NTN4: variants seen among roughly 807,000 people sequenced by gnomAD.
NTN4 encodes the protein netrin-4.
A neutral mutation model predicts 73.6 loss-of-function variants in NTN4; 32 were observed. The ratio of observed to expected loss-of-function variants is 0.44; its 90% CI spans 0.33 to 0.58. The LOEUF (loss-of-function observed/expected upper bound fraction) is 0.58. Among genes scored for constraint, NTN4 ranks in the 20% least tolerant of loss-of-function variants. The probability of loss-of-function intolerance (pLI) is 0.04; values close to 1 mark genes in which losing one functional copy is unlikely to be tolerated. For missense variants in NTN4, 654 were observed against 798.3 expected (o/e 0.82, Z 2.18); for synonymous variants, 258 against 287.5 (o/e 0.90, Z 1.04).
At chr12:95,660,241 C>T (rs545561973) in intron 9 of NTN4, among the ~76,000 whole-genome samples, 1 of 152,266 alleles carries the variant, frequency 6.6e-6, no homozygotes, top group East Asian at 1.9e-4. Context: ...TCTCGAACTC[C>T]TGACCTCAGG....
rs2078580568 is a variant in NTN4, at chr12:95,713,345, G to T, written c.865-7C>A. 3 of 1,583,352 alleles carry T rather than the reference G, an allele frequency of 1.9e-6. No homozygotes were observed. The highest frequency in any genetic ancestry group is 2.6e-6 in the Non-Finnish European group (3 of 1,157,184). On this transcript the variant is annotated splice_region_variant and splice_polypyrimidine_tract_variant and intron_variant, in intron 3 of 9. Coordinates refer to ENST00000343702, the MANE Select transcript of NTN4 (RefSeq NM_021229.4). Reference sequence around the variant, plus strand: ...ACATACACTTCCCATGGACCTACAAGCAACATCAAGTGAGAACTATGAGCA... The same window carrying T: ...ACATACACTTCCCATGGACCTACAATCAACATCAAGTGAGAACTATGAGCA...
At chr12:95,678,866 A>C (rs566596777) in intron 7 of NTN4, among the ~76,000 whole-genome samples, 6 of 152,342 alleles carry the variant, frequency 3.9e-5, no homozygotes, top group African/African-American at 1.4e-4. Context: ...ACACCATGGA[A>C]TACTATGCAG....
At chr12:95,711,880 A>G (rs2078567007) in intron 4 of NTN4, among the ~76,000 whole-genome samples, 1 of 152,222 alleles carries the variant, frequency 6.6e-6, no homozygotes, top group Non-Finnish European at 1.5e-5. Flanking sequence ...GTGGAGGTCA[A>G]ATGTATTTGA....
At chr12:95,664,351 C>T (rs888768070) in intron 9 of NTN4, among the ~76,000 whole-genome samples, 7 of 152,066 alleles carry the variant, frequency 4.6e-5, no homozygotes, top group African/African-American at 9.7e-5. Context: ...AACCACCATG[C>T]CCAGTCTATT....
At position 95,775,944 on chromosome 12, in the gene NTN4, G is replaced by T. The variant is rs190221606; in HGVS notation, c.585+10995C>A. ...GCAGACTGACAACTCACACGGCCGG[G>T]TACTCCTCTGAGACAAAACTTCCAG... On this transcript the variant is annotated intron_variant, in intron 2 of 9. Transcript: ENST00000343702. Among the ~76,000 whole-genome samples, 72 of 152,316 alleles carry T rather than the reference G, an allele frequency of 4.7e-4. No homozygotes were observed. In the East Asian group the frequency reaches 0.012, roughly 25 times the overall value.
intron 2 of NTN4, chr12:95,740,140 C>T (rs971048106): frequency 3.3e-5 from 5 of 152,240 alleles, no homozygotes; most frequent in African/African-American, 1.2e-4. Context: ...GGAATTTAAA[C>T]CATGAAATCT....
rs978104943 is a variant in NTN4 at position 95,789,579 on chromosome 12, G to A, written c.55+676C>T. ...GGAGAGGGCATCTGCCGACGCCGAC[G>A]CCGGTTGTCCAGTTACCGAGCCAGG... is the stretch of plus-strand genomic sequence containing the variant. On this transcript the variant is annotated intron_variant, in intron 1 of 9. Coordinates refer to ENST00000343702, the MANE Select transcript of NTN4 (RefSeq NM_021229.4). This position sits in a 1 kb window ranked among gnomAD's most constrained non-coding sequence, Gnocchi z 4.0. 1.3e-5 allele frequency among the ~76,000 whole-genome samples: 2 copies of A among 152,168 alleles called. No individual in the cohort carries two copies. The highest frequency in any genetic ancestry group is 2.9e-5 in the Non-Finnish European group (2 of 68,026).
chr12:95,760,633 A>G (rs1164545865), intron 2 of NTN4, among the ~76,000 whole-genome samples: 3 of 150,208 alleles, frequency 2.0e-5, no homozygotes, highest in African/African-American at 2.4e-5. Flanking sequence ...TTCTCAGAGC[A>G]CGGTCTTGTG....
chr12:95,705,411 A>G (rs2078515582), intron 5 of NTN4, among the ~76,000 whole-genome samples: 1 of 152,194 alleles, frequency 6.6e-6, no homozygotes, highest in African/African-American at 2.4e-5. Context: ...AGATGCAGGC[A>G]CTTTCAGCCA....
chr12:95,738,360 G>C (rs2078797572), intron 2 of NTN4, among the ~76,000 whole-genome samples: 1 of 152,206 alleles, frequency 6.6e-6, no homozygotes, highest in East Asian at 1.9e-4. Flanking sequence ...TATACATTGA[G>C]TGACCAGCAG....
chr12:95,661,249 C>A (rs2078135747), intron 9 of NTN4, among the ~76,000 whole-genome samples: 1 of 152,190 alleles, frequency 6.6e-6, no homozygotes, highest in South Asian at 2.1e-4. Context: ...TTTATCCTGT[C>A]TTTACAGTAA....
chr12:95,786,905 T>C (rs1303458705), intron 2 of NTN4, 34 bp downstream of exon 2: 1 of 1,574,866 alleles, frequency 6.3e-7, no homozygotes, highest in Non-Finnish European at 8.7e-7. Flanking sequence ...TTTTCTATCT[T>C]ACTTACAGTG....
intron 5 of NTN4, among the ~76,000 whole-genome samples, chr12:95,693,274 T>A (rs1335142532): frequency 6.7e-6 from 1 of 149,968 alleles, no homozygotes; most frequent in African/African-American, 2.4e-5. Context: ...AACTGCCTCA[T>A]TGTAGATATG....
chr12:95,688,114 G>A (rs2078375687), intron 5 of NTN4, among the ~76,000 whole-genome samples: 1 of 152,106 alleles, frequency 6.6e-6, no homozygotes. Context: ...ATTATGGCAC[G>A]GTTACAATTG....
intron 7 of NTN4, among the ~76,000 whole-genome samples, chr12:95,676,773 CA>C (rs2078276868): frequency 6.6e-6 from 1 of 151,146 alleles, no homozygotes; most frequent in African/African-American, 2.4e-5. Context: ...TCAAGTTAAC[CA>C]AAAGTTAATC....
chr12:95,739,560 A>T (rs908036867), intron 2 of NTN4, among the ~76,000 whole-genome samples: 1 of 152,228 alleles, frequency 6.6e-6, no homozygotes, highest in Non-Finnish European at 1.5e-5. Context: ...AATTGAATCC[A>T]TTATGGGCTT....
intron 2 of NTN4, among the ~76,000 whole-genome samples, chr12:95,775,343 T>G (rs1214515731): frequency 1.3e-5 from 2 of 152,132 alleles, no homozygotes; most frequent in African/African-American, 4.8e-5. Context: ...TGCAGGACAG[T>G]GGGTGCAGCG....
intron 8 of NTN4, among the ~76,000 whole-genome samples, chr12:95,668,002 G>T (rs913458086): frequency 3.8e-4 from 58 of 152,300 alleles, no homozygotes; most frequent in African/African-American, 1.4e-3. Context: ...GGAGCATAGT[G>T]CCCGGCGTGT....
intron 5 of NTN4, among the ~76,000 whole-genome samples, chr12:95,693,766 A>G (rs1358274860): frequency 6.6e-6 from 1 of 151,698 alleles, no homozygotes; most frequent in Non-Finnish European, 1.5e-5. Context: ...AAGAAAAAAA[A>G]TTAACCTATT....
Sources: allele counts gnomAD v4.1 joint callset (sites outside exome capture counted in the v4.1 genomes callset), GRCh38; gene constraint gnomAD v4.1.1; non-coding constraint Gnocchi (gnomAD v3.1); transcripts MANE v1.5; gene names NCBI Gene and HGNC (gene_info 2026-07-23, HGNC 2026-07-21).